ADAM2: variants seen among roughly 807,000 people sequenced by gnomAD.
The protein encoded by ADAM2 is ADAM metallopeptidase domain 2.
In ADAM2, 101 loss-of-function variants were observed where a neutral mutation model predicts 99.3. The observed-to-expected ratio is 1.02, with a 90% confidence interval of 0.87 to 1.20. ADAM2 has a LOEUF of 1.20. ADAM2 is among the 50% of genes most tolerant of loss of function. The probability of loss-of-function intolerance (pLI) is 0.00; values close to 1 mark genes in which losing one functional copy is unlikely to be tolerated. For missense variants in ADAM2, 948 were observed against 878.7 expected (o/e 1.08, Z -1.00); for synonymous variants, 323 against 287.6 (o/e 1.12, Z -1.25).
At chr8:39,773,536 C>T (rs1802866677) in intron 11 of ADAM2, among the ~76,000 whole-genome samples, 1 of 151,434 alleles carries the variant, frequency 6.6e-6, no homozygotes, top group Admixed American at 6.6e-5. Context: ...TAAAAAGAAA[C>T]TCAAATGATC....
intron 18 of ADAM2, 136 bp downstream of exon 18, chr8:39,749,176 C>A (rs201970): frequency 0.58 from 432,138 of 742,684 alleles, 127,592 homozygotes; most frequent in East Asian, 0.85. Flanking sequence ...GTGGAAGTAA[C>A]ACATACACAT....
At position 39,809,323 on chromosome 8, in the gene ADAM2, C is replaced by A. The variant is rs1316857753; in HGVS notation, c.570+87G>T. The A allele has an allele frequency of 1.1e-5, 7 of 665,056 alleles. No individual in the cohort carries two copies. In the South Asian group the frequency reaches 1.3e-4, roughly 12 times the overall value. 41.2% of individuals were successfully genotyped at this position (665,056 alleles called of 1,614,324 possible). On this transcript the variant is annotated intron_variant, in intron 7 of 20. Coordinates refer to ENST00000265708, the MANE Select transcript of ADAM2 (RefSeq NM_001464.5). The stretch of plus-strand genomic sequence containing the variant: ...CAGAGCTAAGGCAAAATTATCAATT[C>A]TTTTCTGTTAAAAATATATTCCAAA...
intron 12 of ADAM2, among the ~76,000 whole-genome samples, chr8:39,769,153 A>G (rs1802680155): frequency 6.6e-6 from 1 of 152,196 alleles, no homozygotes; most frequent in African/African-American, 2.4e-5. Flanking sequence ...AGAAAGCTAG[A>G]ATAAATAAAG....
chr8:39,816,610 G>T (rs568526879), intron 6 of ADAM2, among the ~76,000 whole-genome samples: 2 of 152,284 alleles, frequency 1.3e-5, no homozygotes, highest in East Asian at 3.9e-4. Flanking sequence ...CCAGGCACAT[G>T]TTATTCAGCC....
intron 3 of ADAM2, among the ~76,000 whole-genome samples, chr8:39,827,426 C>G (rs541750795): frequency 6.6e-6 from 1 of 152,240 alleles, no homozygotes; most frequent in South Asian, 2.1e-4. Flanking sequence ...GAAGAGATAT[C>G]TGTAATAAAC....
intron 14 of ADAM2, among the ~76,000 whole-genome samples, chr8:39,763,998 C>T (rs202015): frequency 0.033 from 5,047 of 152,282 alleles, 282 homozygotes; most frequent in African/African-American, 0.12. Flanking sequence ...AAATGATTAG[C>T]TGTTTTTCAG....
chr8:39,773,918 A>C (rs917199488), intron 11 of ADAM2, among the ~76,000 whole-genome samples: 1 of 151,962 alleles, frequency 6.6e-6, no homozygotes, highest in Non-Finnish European at 1.5e-5. Context: ...ATTAATATAC[A>C]GGCAAATATA....
intron 7 of ADAM2, among the ~76,000 whole-genome samples, chr8:39,790,153 T>G (rs967509878): frequency 6.6e-6 from 1 of 151,914 alleles, no homozygotes; most frequent in African/African-American, 2.4e-5. Flanking sequence ...AGTTATCTTA[T>G]AATCCAAAAA....
intron 7 of ADAM2, among the ~76,000 whole-genome samples, chr8:39,794,709 C>A (rs1563362681): frequency 6.6e-6 from 1 of 152,064 alleles, no homozygotes; most frequent in Non-Finnish European, 1.5e-5. Flanking sequence ...CCCCTGCTTG[C>A]TCAATCAATC....
chr8:39,798,115 C>A (rs1419022676), intron 7 of ADAM2, among the ~76,000 whole-genome samples: 2 of 152,186 alleles, frequency 1.3e-5, no homozygotes, highest in Non-Finnish European at 2.9e-5. Context: ...TTGGCTTGTA[C>A]AAGTTTTCAA....
Position 39,767,178 on chromosome 8 carries a change from T to C in ADAM2, c.1286A>G (p.Glu429Gly). Residue 429 changes from glutamate (E) to glycine (G), a missense_variant, in exon 13 of 21, where the codon GAA becomes GGA. Transcript: ENST00000265708. ...TAGACAGTTTTCGCAGCATGGTCCT[T>C]CAGCACAGTTTGAACCGGCTTTAAA... ...CRFKAGSNCA[E>G]GPCCENCLFM... 1 of 1,608,494 alleles carries C rather than the reference T, an allele frequency of 6.2e-7. No homozygotes were observed. The highest frequency in any genetic ancestry group is 2.2e-5 in the East Asian group (1 of 44,858).
chr8:39,790,197 C>G (rs185195592), intron 7 of ADAM2, among the ~76,000 whole-genome samples: 2 of 151,802 alleles, frequency 1.3e-5, no homozygotes, highest in Non-Finnish European at 2.9e-5. Flanking sequence ...CTACCCAATA[C>G]GAGTTAAAAT....
intron 11 of ADAM2, among the ~76,000 whole-genome samples, chr8:39,773,043 C>T (rs202005): frequency 1.3e-5 from 2 of 151,810 alleles, no homozygotes; most frequent in African/African-American, 4.8e-5. Flanking sequence ...AAACTAAACA[C>T]AATTATTAAA....
chr8:39,755,709 G>A lies in ADAM2; in HGVS notation c.1797+19C>T, dbSNP rs1229575985. On this transcript the variant is annotated intron_variant, in intron 16 of 20. Transcript: ENST00000265708. ...GTCTAAAATATTAGGAAATTATTTGGGAATAAAAGACTACCTACCTTATTT... is the reference window on the plus strand; with the variant it reads ...GTCTAAAATATTAGGAAATTATTTGAGAATAAAAGACTACCTACCTTATTT... 6.3e-7 allele frequency: 1 copy of A among 1,583,268 alleles called. No homozygotes were observed. Among genetic ancestry groups the A allele is most frequent in the Non-Finnish European group, 8.6e-7 (1 of 1,158,142 alleles).
At chr8:39,763,353 G>T (rs1802447977) in intron 14 of ADAM2, among the ~76,000 whole-genome samples, 1 of 152,090 alleles carries the variant, frequency 6.6e-6, no homozygotes, top group Non-Finnish European at 1.5e-5. Flanking sequence ...CTGCATCCTG[G>T]GATACTGGTT....
chr8:39,816,799 A>C (rs1804961436), intron 6 of ADAM2, among the ~76,000 whole-genome samples: 1 of 152,198 alleles, frequency 6.6e-6, no homozygotes, highest in African/African-American at 2.4e-5. Flanking sequence ...CATGGTTATA[A>C]AGTTTCTTTG....
chr8:39,819,723 C>A (rs1027079170), intron 6 of ADAM2, among the ~76,000 whole-genome samples: 2 of 152,094 alleles, frequency 1.3e-5, no homozygotes, highest in African/African-American at 2.4e-5. Context: ...ACCAGCCTGC[C>A]TGCTTACCCT....
intron 6 of ADAM2, among the ~76,000 whole-genome samples, chr8:39,813,711 A>G (rs1193725978): frequency 6.6e-6 from 1 of 152,014 alleles, no homozygotes; most frequent in Non-Finnish European, 1.5e-5. Flanking sequence ...AGAAGTGGGA[A>G]TTAAACAATT....
intron 20 of ADAM2, 30 bp from the exon 21 acceptor site, chr8:39,744,094 A>G (rs1221259345): frequency 6.6e-6 from 1 of 152,106 alleles, no homozygotes; most frequent in Non-Finnish European, 1.5e-5. Context: ...AGTCACCGTT[A>G]TCAACAAGTT....
Sources: gnomAD v4.1 joint callset for allele counts (sites outside exome capture counted in the v4.1 genomes callset) on GRCh38, gnomAD v4.1.1 for gene constraint, MANE v1.5 for transcripts, NCBI Gene and HGNC (gene_info 2026-07-23, HGNC 2026-07-21) for gene names.